SENP7: variants seen among roughly 807,000 people sequenced by gnomAD.
The protein encoded by SENP7 is sentrin-specific protease 7.
In SENP7, 64 loss-of-function variants were observed where a neutral mutation model predicts 141.2. That is an observed-to-expected ratio of 0.45 (90% CI 0.37 to 0.56). SENP7 has a LOEUF of 0.56. SENP7 is among the 20% of genes least tolerant of loss of function. SENP7 has a pLI of 0.00. For synonymous variants in SENP7, 382 were observed against 426.4 expected, an observed-to-expected ratio of 0.90 and a Z score of 1.28; for missense variants, 1,025 against 1,212.2, an observed-to-expected ratio of 0.85 and a Z score of 2.29.
chr3:101,479,156 A>T (rs1471321737), intron 3 of SENP7, among the ~76,000 whole-genome samples: 2 of 152,240 alleles, frequency 1.3e-5, no homozygotes, highest in African/African-American at 4.8e-5. Context: ...CAGGATGCAC[A>T]TATTCACCAT....
chr3:101,422,062 G>A (rs192641351), intron 4 of SENP7, among the ~76,000 whole-genome samples: 6 of 152,214 alleles, frequency 3.9e-5, no homozygotes, highest in South Asian at 2.1e-4. Context: ...GTGGGTGAGC[G>A]AGCATTACCG....
chr3:101,443,355 T>G (rs2062755465), intron 4 of SENP7, among the ~76,000 whole-genome samples: 1 of 152,014 alleles, frequency 6.6e-6, no homozygotes. Context: ...TACTGTAGCC[T>G]TGTAGTATAG....
chr3:101,462,798 G>A (rs2063590862), intron 3 of SENP7, among the ~76,000 whole-genome samples: 1 of 151,826 alleles, frequency 6.6e-6, no homozygotes, highest in South Asian at 2.1e-4. Context: ...AACCCAGGAG[G>A]CAGAGGTTGC....
At chr3:101,480,035 G>A (rs1047950548) in intron 3 of SENP7, among the ~76,000 whole-genome samples, 4 of 151,198 alleles carry the variant, frequency 2.6e-5, no homozygotes, top group African/African-American at 9.7e-5. Flanking sequence ...AAGAGGATAG[G>A]AACAAATGCA....
intron 6 of SENP7, among the ~76,000 whole-genome samples, chr3:101,397,278 T>G (rs926756403): frequency 6.6e-6 from 1 of 152,142 alleles, no homozygotes; most frequent in East Asian, 1.9e-4. Flanking sequence ...ACTACAAGCA[T>G]GCACCATCAC....
intron 16 of SENP7, among the ~76,000 whole-genome samples, 188 bp downstream of exon 16, chr3:101,339,907 C>T (rs1040167642): frequency 2.0e-5 from 3 of 152,140 alleles, no homozygotes; most frequent in African/African-American, 7.2e-5. Context: ...ATAGCATCCA[C>T]AGTAAGTAAA....
At chr3:101,494,215 T>A (rs961163920) in intron 2 of SENP7, among the ~76,000 whole-genome samples, 2 of 152,218 alleles carry the variant, frequency 1.3e-5, no homozygotes, top group African/African-American at 2.4e-5. Flanking sequence ...TCTTGTCTGC[T>A]GTCTCTTCCC....
intron 3 of SENP7, among the ~76,000 whole-genome samples, chr3:101,493,553 T>G (rs1223957559): frequency 6.6e-6 from 1 of 152,200 alleles, no homozygotes; most frequent in East Asian, 1.9e-4. Context: ...AAACTTAAAA[T>G]GGGTCAAGTG....
At chr3:101,413,454 A>T (rs2061509841) in intron 5 of SENP7, among the ~76,000 whole-genome samples, 1 of 152,186 alleles carries the variant, frequency 6.6e-6, no homozygotes, top group African/African-American at 2.4e-5. Context: ...GAGTCTAGAG[A>T]TGTAACTCTG....
rs1485989803 is a variant in SENP7 at position 101,325,844 on chromosome 3, G to C, written c.*99C>G. 2 of 1,081,830 alleles carry C rather than the reference G, an allele frequency of 1.8e-6. No individual in the cohort carries two copies. The highest frequency in any genetic ancestry group is 2.6e-6 in the Non-Finnish European group (2 of 774,346). The allele number at this position is 1,081,830 out of a possible 1,614,324, so 67.0% of individuals were successfully genotyped here. A position where few individuals can be genotyped will look rare whatever the true frequency, so the allele number is the denominator to read the frequency against. Reference sequence around the variant, plus strand: ...TCCAATGACTTATTATAAAACTACTGCAAGTTATTTTCTTCTCTGTGAGCT... The same window carrying C: ...TCCAATGACTTATTATAAAACTACTCCAAGTTATTTTCTTCTCTGTGAGCT... On this transcript the variant is annotated 3_prime_UTR_variant, in exon 24 of 24. Coordinates refer to ENST00000394095, the MANE Select transcript of SENP7 (RefSeq NM_020654.5).
intron 11 of SENP7, chr3:101,357,963 C>A (rs1275790279): frequency 1.5e-6 from 1 of 659,194 alleles, no homozygotes; most frequent in South Asian, 1.7e-5. Flanking sequence ...TTTAACCACC[C>A]CTCACCCCTT....
At chr3:101,350,150 C>A (rs898712385) in intron 12 of SENP7, among the ~76,000 whole-genome samples, 1 of 152,066 alleles carries the variant, frequency 6.6e-6, no homozygotes, top group Non-Finnish European at 1.5e-5. Flanking sequence ...CTTGAGGATG[C>A]AAGTCATACG....
At chr3:101,375,914 G>A (rs1234403982) in intron 6 of SENP7, among the ~76,000 whole-genome samples, 1 of 152,108 alleles carries the variant, frequency 6.6e-6, no homozygotes, top group Non-Finnish European at 1.5e-5. Context: ...AACTAAAATA[G>A]ACAAATTCAC....
At chr3:101,471,653 C>T (rs367545646) in intron 3 of SENP7, among the ~76,000 whole-genome samples, 3 of 152,034 alleles carry the variant, frequency 2.0e-5, no homozygotes, top group East Asian at 1.9e-4. Context: ...TAGACAAATG[C>T]GATCTAATTA....
At chr3:101,446,009 C>T (rs2062876534) in intron 4 of SENP7, among the ~76,000 whole-genome samples, 1 of 152,156 alleles carries the variant, frequency 6.6e-6, no homozygotes, top group South Asian at 2.1e-4. Context: ...ATATTGTAAT[C>T]CCCAATGTTG....
At chr3:101,445,521 A>C (rs2062856048) in intron 4 of SENP7, among the ~76,000 whole-genome samples, 1 of 152,214 alleles carries the variant, frequency 6.6e-6, no homozygotes, top group South Asian at 2.1e-4. Context: ...ACAATCAGAG[A>C]GCTAACAAAA....
intron 13 of SENP7, among the ~76,000 whole-genome samples, chr3:101,344,779 T>C (rs763463184): frequency 4.0e-5 from 6 of 151,888 alleles, no homozygotes; most frequent in Non-Finnish European, 5.9e-5. Context: ...GGCAAAGACT[T>C]CTATATTTTA....
chr3:101,366,328 T>C, intron 9 of SENP7, 102 bp downstream of exon 9: 1 of 778,816 alleles, frequency 1.3e-6, no homozygotes, highest in Non-Finnish European at 2.0e-6. Context: ...AATGATGTCA[T>C]AAACAGCTTA....
intron 3 of SENP7, 70 bp downstream of exon 3, chr3:101,493,803 G>A (rs2065055792): frequency 2.1e-6 from 2 of 933,348 alleles, no homozygotes; most frequent in African/African-American, 1.7e-5. Flanking sequence ...TAAACATTCA[G>A]TTTTATTACA....
Sources: gnomAD v4.1 joint callset for allele counts (sites outside exome capture counted in the v4.1 genomes callset) on GRCh38, gnomAD v4.1.1 for gene constraint, MANE v1.5 for transcripts, NCBI Gene and HGNC (gene_info 2026-07-23, HGNC 2026-07-21) for gene names.